Variants in ACTA2 observed in about 807,000 individuals in gnomAD.
The protein encoded by ACTA2 is actin, aortic smooth muscle.
A neutral mutation model predicts 39.5 loss-of-function variants in ACTA2; 12 were observed. The ratio of observed to expected loss-of-function variants is 0.30; its 90% CI spans 0.19 to 0.49. ACTA2 has a LOEUF of 0.49. ACTA2 is among the 20% of genes least tolerant of loss of function. ACTA2 has a pLI of 0.99. For synonymous variants in ACTA2, 158 were observed against 180.6 expected, an observed-to-expected ratio of 0.88 and a Z score of 1.00; for missense variants, 236 against 498.8, an observed-to-expected ratio of 0.47 and a Z score of 5.02.
In ACTA2 at chr10:88,948,855, C is replaced by G. The variant is rs1438979811; in HGVS notation, c.76G>C (p.Asp26His). The change falls in exon 2 of 9, where the codon GAC becomes CAC. Residue 26 changes from aspartate to histidine, a missense_variant. Asp to His is a moderately conservative substitution (Grantham distance 81, BLOSUM62 -1). Coordinates refer to ENST00000224784, the MANE Select transcript of ACTA2 (RefSeq NM_001613.4). ...GGGAAAACAGCCCTGGGAGCATCGT[C>G]CCCAGCAAAGCCGGCCTTACAGAGC... ...SGLCKAGFAG[D>H]DAPRAVFPSI... 6.2e-7 allele frequency: 1 copy of G among 1,613,976 alleles called. No individual in the cohort carries two copies. The highest frequency in any genetic ancestry group is 1.7e-5 in the Admixed American group (1 of 60,004).
chr10:88,969,353 A>C (rs902837272), intron 1 of ACTA2, among the ~76,000 whole-genome samples: 2 of 152,208 alleles, frequency 1.3e-5, no homozygotes. Flanking sequence ...GCTATGCCTT[A>C]GGGCATCAGC....
intron 1 of ACTA2, among the ~76,000 whole-genome samples, chr10:88,984,873 T>C (rs769261816): frequency 5.3e-5 from 8 of 152,208 alleles, no homozygotes; most frequent in Non-Finnish European, 1.0e-4. Flanking sequence ...TTTCAGTTAT[T>C]TTCTGGAAAG....
At chr10:88,971,936 G>T (rs1489111211) in intron 1 of ACTA2, among the ~76,000 whole-genome samples, 4 of 149,824 alleles carry the variant, frequency 2.7e-5, no homozygotes, top group African/African-American at 9.8e-5. Context: ...TTTAGATGGA[G>T]TCTTGCTCTG....
intron 1 of ACTA2, among the ~76,000 whole-genome samples, chr10:88,964,335 T>C (rs1352810008): frequency 6.6e-6 from 1 of 152,182 alleles, no homozygotes; most frequent in Non-Finnish European, 1.5e-5. Flanking sequence ...AGAAGTGGCT[T>C]AGAACTCTGG....
In ACTA2 at chr10:88,941,801, G is replaced by A; in HGVS notation, c.438C>T (p.Ala146=). Residue 146 remains alanine, a synonymous_variant, in exon 5 of 9, where the codon GCC becomes GCT. Coordinates refer to ENST00000224784, the MANE Select transcript of ACTA2 (RefSeq NM_001613.4). ...GCCACCTACCAGTTGTGCGTCCAGA[G>A]GCATAGAGAGACAGCACCGCCTGGA... ...VAIQAVLSLY[A]SGRTTGIVLD... The A allele has an allele frequency of 6.2e-7, 1 of 1,612,590 alleles. No individual in the cohort carries two copies. The highest frequency in any genetic ancestry group is 8.5e-7 in the Non-Finnish European group (1 of 1,179,422).
chr10:88,936,279 C>G (rs1231869613), intron 8 of ACTA2, among the ~76,000 whole-genome samples: 3 of 152,134 alleles, frequency 2.0e-5, no homozygotes, highest in Non-Finnish European at 4.4e-5. Context: ...TGGGTTCTCC[C>G]AGGTGGTTTT....
rs778956880 is a variant in ACTA2 at position 88,973,252 on chromosome 10, G to A, written c.-24+17687C>T. On this transcript the variant is annotated intron_variant, in intron 1 of 4. Transcript: ENST00000415557. The stretch of plus-strand genomic sequence containing the variant: ...ATGGAGCCCCTGAAAATTGGCTATG[G>A]ACCAAATGGATTCCCACTCTTGGGG... 2.5e-6 allele frequency: 4 copies of A among 1,612,410 alleles called. No individual in the cohort carries two copies. The South Asian group carries it at 4.4e-5, about 18-fold the overall frequency.
intron 1 of ACTA2, among the ~76,000 whole-genome samples, chr10:88,958,835 C>T (rs1439384721): frequency 2.0e-5 from 3 of 152,054 alleles, no homozygotes; most frequent in Admixed American, 6.6e-5. Flanking sequence ...CTGGTGTACC[C>T]GACGGGTTTC....
intron 1 of ACTA2, among the ~76,000 whole-genome samples, chr10:88,985,273 T>C (rs1261083435): frequency 1.3e-5 from 2 of 152,180 alleles, no homozygotes; most frequent in Non-Finnish European, 1.5e-5. Flanking sequence ...ATCTAGGGAC[T>C]CTGTCCTTCA....
At chr10:88,948,509 T>C in intron 2 of ACTA2, 1 of 390,536 alleles carries the variant, frequency 2.6e-6, no homozygotes, top group Non-Finnish European at 4.9e-6. Context: ...TGTATAAGCA[T>C]TTCTGATGGT....
At chr10:88,941,702 G>A (rs988206566) in intron 5 of ACTA2, 83 bp downstream of exon 5, 58 of 1,274,758 alleles carry the variant, frequency 4.5e-5, no homozygotes, top group Admixed American at 5.9e-5. Context: ...ACTCCAGTCC[G>A]TCACCCCCAC....
At chr10:88,953,395 G>C (rs1482911557), upstream of ACTA2, among the ~76,000 whole-genome samples, 1 of 152,166 alleles carries the variant, frequency 6.6e-6, no homozygotes, top group African/African-American at 2.4e-5. Context: ...GAATTTGGAT[G>C]TTAGCATTAC....
upstream of ACTA2, among the ~76,000 whole-genome samples, chr10:88,952,976 G>A (rs529359823): frequency 4.3e-4 from 65 of 152,366 alleles, no homozygotes; most frequent in Non-Finnish European, 7.6e-4. Context: ...CTCATGAAAC[G>A]GGAGGCGGTT....
intron 1 of ACTA2, among the ~76,000 whole-genome samples, chr10:88,966,442 A>T (rs1846319192): frequency 6.6e-6 from 1 of 152,124 alleles, no homozygotes; most frequent in Non-Finnish European, 1.5e-5. Flanking sequence ...GTAATCTATA[A>T]GTGTGTGGGC....
chr10:88,952,106 A>G (rs368287116), intron 1 of ACTA2, among the ~76,000 whole-genome samples: 41 of 152,204 alleles, frequency 2.7e-4, no homozygotes, highest in African/African-American at 9.2e-4. Context: ...TCTGCTGCAA[A>G]TGACCAATGA....
intron 1 of ACTA2, among the ~76,000 whole-genome samples, chr10:88,977,479 T>A (rs978163361): frequency 6.6e-6 from 1 of 152,106 alleles, no homozygotes; most frequent in Non-Finnish European, 1.5e-5. Context: ...GTTGTAGATA[T>A]GCGGCGTTCA....
chr10:88,978,966 C>G (rs112802158), intron 1 of ACTA2, among the ~76,000 whole-genome samples: 1 of 151,758 alleles, frequency 6.6e-6, no homozygotes, highest in Non-Finnish European at 1.5e-5. Flanking sequence ...CACTGCATAG[C>G]ATCTTTTCTA....
intron 1 of ACTA2, among the ~76,000 whole-genome samples, chr10:88,976,985 A>T (rs1049588379): frequency 6.6e-6 from 1 of 152,244 alleles, no homozygotes; most frequent in South Asian, 2.1e-4. Context: ...TTAGATTAGC[A>T]GCAAAATGTA....
chr10:88,980,434 T>C (rs1267648083), intron 1 of ACTA2, among the ~76,000 whole-genome samples: 1 of 152,144 alleles, frequency 6.6e-6, no homozygotes, highest in Non-Finnish European at 1.5e-5. Flanking sequence ...AGAACTGTGG[T>C]GTCTGGTGAG....
Sources: allele counts gnomAD v4.1 joint callset (sites outside exome capture counted in the v4.1 genomes callset), GRCh38; gene constraint gnomAD v4.1.1; transcripts MANE v1.5; gene names NCBI Gene and HGNC (gene_info 2026-07-23, HGNC 2026-07-21).